The following PPP2R3A variants were observed in gnomAD, a reference collection of about 807,000 sequenced individuals.
PPP2R3A encodes the protein protein phosphatase 2 regulatory subunit B''alpha, also known as serine/threonine-protein phosphatase 2A regulatory subunit B'' subunit alpha.
Under a neutral mutation model 106.9 loss-of-function variants are expected in PPP2R3A, and 80 were observed. That is an observed-to-expected ratio of 0.75 (90% confidence interval 0.62 to 0.90). The LOEUF (loss-of-function observed/expected upper bound fraction) is 0.90. PPP2R3A is among the 40% of genes least tolerant of loss of function. The probability of loss-of-function intolerance (pLI) is 0.00; values close to 1 mark genes in which losing one functional copy is unlikely to be tolerated. For missense variants in PPP2R3A, 1,386 were observed against 1,350.4 expected (o/e 1.03, Z -0.41); for synonymous variants, 483 against 468.3 (o/e 1.03, Z -0.41).
At chr3:136,022,714 A>T in intron 2 of PPP2R3A, 2 of 992,392 alleles carry the variant, frequency 2.0e-6, no homozygotes, top group Non-Finnish European at 2.4e-6. Context: ...TAACTTTGGT[A>T]CACAGAGTAG....
chr3:136,036,912 A>G (rs1320387653), intron 3 of PPP2R3A, among the ~76,000 whole-genome samples: 1 of 152,172 alleles, frequency 6.6e-6, no homozygotes, highest in Non-Finnish European at 1.5e-5. Context: ...GTTCTTTACT[A>G]TGCATGCAAG....
intron 1 of PPP2R3A, among the ~76,000 whole-genome samples, chr3:135,971,545 T>C (rs1231395141): frequency 6.6e-6 from 1 of 152,174 alleles, no homozygotes; most frequent in Non-Finnish European, 1.5e-5. Flanking sequence ...TTAAGAATGG[T>C]TTTGATTAAT....
At chr3:135,990,038 GTGTCTTATT>G (rs1270396167) in intron 1 of PPP2R3A, among the ~76,000 whole-genome samples, 1 of 152,092 alleles carries the variant, frequency 6.6e-6, no homozygotes, top group Non-Finnish European at 1.5e-5. Flanking sequence ...TGTTTGTAGT[GTGTCTTATT>G]TCTACAGTCA....
chr3:136,101,575 C>A (rs1241377468), intron 10 of PPP2R3A, among the ~76,000 whole-genome samples: 2 of 152,124 alleles, frequency 1.3e-5, no homozygotes, highest in East Asian at 3.9e-4. Flanking sequence ...CAGGCATGCA[C>A]CACCATGCGC....
Position 136,070,497 on chromosome 3 carries a change from C to G in PPP2R3A, c.2489C>G (p.Pro830Arg). ...PLLQDVVDTHPGLTFLKDAPE... is the reference protein window; with the variant it reads ...PLLQDVVDTHRGLTFLKDAPE... ...TTTCAGGATGTGGTGGATACCCACC[C>G]TGGTCTCACGTTCCTGAAAGATGCT... The change falls in exon 6 of 14, where the codon CCT becomes CGT. Residue 830 changes from proline to arginine, a missense_variant. Coordinates refer to ENST00000264977, the MANE Select transcript of PPP2R3A (RefSeq NM_002718.5). The G allele has an allele frequency of 6.2e-7, 1 of 1,609,058 alleles. No homozygotes were observed. Among genetic ancestry groups the G allele is most frequent in the Non-Finnish European group, 8.5e-7 (1 of 1,178,262 alleles).
intron 3 of PPP2R3A, among the ~76,000 whole-genome samples, chr3:136,040,122 G>A (rs976062752): frequency 6.6e-6 from 1 of 152,210 alleles, no homozygotes; most frequent in South Asian, 2.1e-4. Context: ...GCAAAGGAGA[G>A]AGAAGGAGAT....
At position 136,002,615 on chromosome 3, in the gene PPP2R3A, T is replaced by G. The variant is rs148236440; in HGVS notation, c.1117T>G (p.Ser373Ala). Residue 373 changes from serine (S) to alanine (A), a missense_variant, in exon 2 of 14, where the codon TCC (serine) becomes GCC (alanine). Ser to Ala is a moderately conservative substitution (Grantham distance 99). Coordinates refer to ENST00000264977, the MANE Select transcript of PPP2R3A (RefSeq NM_002718.5). The stretch of plus-strand genomic sequence containing the variant: ...CACTGTACAATCCATTCCAAACAAC[T>G]CCACAAATTCCTTATATAACTTAGA... Reference protein sequence around the residue: ...MDTVQSIPNNSTNSLYNLEVN... With the variant: ...MDTVQSIPNNATNSLYNLEVN... 3 of 1,613,954 alleles carry G rather than the reference T, an allele frequency of 1.9e-6. No individual in the cohort carries two copies. Among genetic ancestry groups the G allele is most frequent in the Non-Finnish European group, 2.5e-6 (3 of 1,179,914 alleles).
In PPP2R3A at chr3:136,131,617, G is replaced by A. The variant is rs937363900; in HGVS notation, c.3330-13426G>A. Among the ~76,000 whole-genome samples, 8 of 152,142 alleles carry A rather than the reference G, an allele frequency of 5.3e-5. No individual in the cohort carries two copies. The South Asian group carries it at 8.3e-4, about 16-fold the overall frequency. ...GAAGACGGTGTGGCGATTCCTCAACGATCTAGAACTAGAATTACCATTTGA... is the reference window on the plus strand; with the variant it reads ...GAAGACGGTGTGGCGATTCCTCAACAATCTAGAACTAGAATTACCATTTGA... On this transcript the variant is annotated intron_variant, in intron 13 of 13. Transcript: ENST00000264977.
intron 13 of PPP2R3A, among the ~76,000 whole-genome samples, chr3:136,121,278 T>G (rs953478916): frequency 1.3e-5 from 2 of 152,206 alleles, no homozygotes; most frequent in Admixed American, 6.6e-5. Flanking sequence ...TCATGTCCTT[T>G]GCAGCAACAT....
In PPP2R3A at chr3:136,146,466, A is replaced by C. The variant is rs1203305505; in HGVS notation, c.*1300A>C. The C allele has an allele frequency of 1.3e-5, 2 of 152,216 alleles. No individual in the cohort carries two copies. Among genetic ancestry groups the C allele is most frequent in the African/African-American group, 4.8e-5 (2 of 41,448 alleles). The allele number at this position is 152,216 out of a possible 1,614,324, so 9.4% of individuals were successfully genotyped here. A position where few individuals can be genotyped will look rare whatever the true frequency, so the allele number is the denominator to read the frequency against. On this transcript the variant is annotated 3_prime_UTR_variant, in exon 14 of 14. Coordinates refer to ENST00000264977, the MANE Select transcript of PPP2R3A (RefSeq NM_002718.5). ...TTCCCTCCTTGCTGGCATAAAGGCCAAGCAGTGAAATGAACCTTGGGTTAG... is the reference window on the plus strand; with the variant it reads ...TTCCCTCCTTGCTGGCATAAAGGCCCAGCAGTGAAATGAACCTTGGGTTAG...
intron 11 of PPP2R3A, among the ~76,000 whole-genome samples, chr3:136,102,890 A>T (rs912475674): frequency 3.3e-5 from 5 of 152,122 alleles, no homozygotes; most frequent in African/African-American, 1.2e-4. Context: ...AGACACAGAA[A>T]GCACATGAGG....
chr3:135,966,972 G>A (rs1380637565), intron 1 of PPP2R3A, among the ~76,000 whole-genome samples: 1 of 152,046 alleles, frequency 6.6e-6, no homozygotes, highest in South Asian at 2.1e-4. Flanking sequence ...TCAGTAGGCA[G>A]CCGGCTTGTG....
intron 1 of PPP2R3A, among the ~76,000 whole-genome samples, chr3:135,975,793 C>T (rs957279560): frequency 2.8e-4 from 42 of 151,902 alleles, no homozygotes; most frequent in African/African-American, 8.7e-4. Flanking sequence ...TTAAAAACTG[C>T]CAAATTGGTC....
At chr3:136,140,005 C>CAA (rs370749523) in intron 13 of PPP2R3A, among the ~76,000 whole-genome samples, 2,640 of 84,110 alleles carry the variant, frequency 0.031, 102 homozygotes, top group African/African-American at 0.11. Flanking sequence ...GACTCTGTCT[C>CAA]AAAAAAAAAA....
At chr3:136,058,628 A>G (rs1309208113) in intron 5 of PPP2R3A, among the ~76,000 whole-genome samples, 2 of 152,184 alleles carry the variant, frequency 1.3e-5, no homozygotes, top group Non-Finnish European at 2.9e-5. Context: ...TACCATTGAC[A>G]TTCTTTACAG....
At chr3:136,031,644 A>T (rs1262246875) in intron 3 of PPP2R3A, among the ~76,000 whole-genome samples, 2 of 152,204 alleles carry the variant, frequency 1.3e-5, no homozygotes, top group Non-Finnish European at 2.9e-5. Flanking sequence ...CAGGTCTTAG[A>T]TTTAAGTCCT....
At chr3:136,070,438 G>A (rs1936391227) in intron 5 of PPP2R3A, 40 bp from the exon 6 acceptor site, 5 of 1,529,114 alleles carry the variant, frequency 3.3e-6, no homozygotes, top group African/African-American at 2.8e-5. Flanking sequence ...CATAATTTTT[G>A]TATGTTTGTT....
intron 3 of PPP2R3A, among the ~76,000 whole-genome samples, chr3:136,032,137 C>T (rs1934914394): frequency 6.6e-6 from 1 of 152,152 alleles, no homozygotes; most frequent in South Asian, 2.1e-4. Flanking sequence ...ATTGATTCTA[C>T]CCATCCATGA....
At position 136,145,063 on chromosome 3, in the gene PPP2R3A, A is replaced by G. The variant is rs777349821; in HGVS notation, c.3350A>G (p.Asp1117Gly). ...TTCAGCTTTGAAGATTATGAAACAG[A>G]TGAACCTGCCTCTCCCTCTGAATTT... ...FQEGFEDYET[D>G]EPASPSEFGN... Residue 1117 changes from aspartate to glycine, a missense_variant, in exon 14 of 14, where the codon GAT (aspartate) becomes GGT (glycine). Asp to Gly is a moderately conservative substitution (Grantham distance 94). Transcript: ENST00000264977. 2.5e-6 allele frequency: 4 copies of G among 1,611,270 alleles called. No homozygotes were observed. In the South Asian group the frequency reaches 4.4e-5, roughly 18 times the overall value.
Sources: allele counts gnomAD v4.1 joint callset (sites outside exome capture counted in the v4.1 genomes callset), GRCh38; gene constraint gnomAD v4.1.1; transcripts MANE v1.5; gene names NCBI Gene and HGNC (gene_info 2026-07-23, HGNC 2026-07-21).